RBFOX1: variants seen among roughly 807,000 people sequenced by gnomAD.
RBFOX1 encodes RNA binding protein fox-1 homolog 1.
Under a neutral mutation model 57.7 loss-of-function variants are expected in RBFOX1, and 8 were observed. The ratio of observed to expected loss-of-function variants is 0.14; its 90% CI spans 0.08 to 0.25. RBFOX1 has a LOEUF of 0.25. Among genes scored for constraint, RBFOX1 ranks in the 10% least tolerant of loss-of-function variants. The pLI, the probability that RBFOX1 is intolerant of heterozygous loss-of-function variation, is 1.00. For synonymous variants in RBFOX1, 326 were observed against 222.4 expected (o/e 1.47, Z -4.15); for missense variants, 611 against 548.5 (o/e 1.11, Z -1.14).
At chr16:5,961,180 T>G (rs1252000362) in intron 4 of RBFOX1, among the ~76,000 whole-genome samples, 1 of 152,192 alleles carries the variant, frequency 6.6e-6, no homozygotes, top group Non-Finnish European at 1.5e-5. Flanking sequence ...TTTTTTTCAT[T>G]TGGGGCATAT....
intron 4 of RBFOX1, among the ~76,000 whole-genome samples, chr16:7,331,588 G>A (rs1475580785): frequency 6.6e-6 from 1 of 152,132 alleles, no homozygotes; most frequent in Non-Finnish European, 1.5e-5. Context: ...GGGAATACAT[G>A]ATAAAAGTGG....
rs1034662208 is a variant in RBFOX1, at chr16:6,572,270, C to G, written c.-63-82333C>G. Among the ~76,000 whole-genome samples the G allele has an allele frequency of 1.6e-4, 25 of 152,086 alleles. 1 individual carries two copies. Among genetic ancestry groups the G allele is most frequent in the Admixed American group, 1.6e-3 (24 of 15,260 alleles). On this transcript the variant is annotated intron_variant, in intron 2 of 15. Transcript: ENST00000550418. ...CAAATCTGTATCAAATTCTATAGGA[C>G]ATAGAGAATAAACCCATGACTCTTC...
chr16:5,862,901 G>T (rs2057258148), intron 3 of RBFOX1, among the ~76,000 whole-genome samples: 1 of 152,178 alleles, frequency 6.6e-6, no homozygotes, highest in Non-Finnish European at 1.5e-5. Context: ...CTCAGAAGGG[G>T]TTCAGGGAGA....
At chr16:6,070,819 C>G (rs903890087) in intron 1 of RBFOX1, among the ~76,000 whole-genome samples, 11 of 151,552 alleles carry the variant, frequency 7.3e-5, no homozygotes, top group African/African-American at 2.7e-4. Context: ...ACACGCTCGC[C>G]CCCCCCACAC....
At chr16:5,744,044 A>G (rs909095210) in intron 3 of RBFOX1, among the ~76,000 whole-genome samples, 1 of 152,092 alleles carries the variant, frequency 6.6e-6, no homozygotes, top group African/African-American at 2.4e-5. Flanking sequence ...CTTCTTCATC[A>G]TGTCACCAAG....
chr16:5,888,562 G>C (rs1402035304), intron 4 of RBFOX1, among the ~76,000 whole-genome samples: 1 of 152,032 alleles, frequency 6.6e-6, no homozygotes, highest in Non-Finnish European at 1.5e-5. Flanking sequence ...TTGGGAGACT[G>C]AGTTGGGCAG....
At chr16:7,518,529 C>T (rs1034472695) in intron 5 of RBFOX1, 140 bp downstream of exon 5, 11 of 1,120,802 alleles carry the variant, frequency 9.8e-6, no homozygotes, top group African/African-American at 7.9e-5. Context: ...ATCATACCAG[C>T]TTCCTGAAGT....
Position 5,690,986 on chromosome 16 carries a change from C to G in RBFOX1, c.318+92025C>G, listed in dbSNP as rs182039394. Among the ~76,000 whole-genome samples the G allele has an allele frequency of 3.2e-3, 480 of 152,240 alleles. 3 individuals are homozygous for G. Among genetic ancestry groups the G allele is most frequent in the African/African-American group, 0.011 (464 of 41,556 alleles). On this transcript the variant is annotated intron_variant, in intron 3 of 19. Transcript: ENST00000641259. ...TCCCAAGAAGGGAGAGCAGGTAATC[C>G]AGTGCAGCCCAATAATCCTCTTTAC...
intron 1 of RBFOX1, among the ~76,000 whole-genome samples, chr16:5,309,769 A>G (rs146851943): frequency 1.3e-5 from 2 of 152,272 alleles, no homozygotes; most frequent in Non-Finnish European, 2.9e-5. Context: ...AAGGGAAGCA[A>G]TTTTATTAAA....
chr16:6,607,581 G>GTCTCCCTCCTCTCTCTCTCTCCTC (rs2097957261), intron 2 of RBFOX1, among the ~76,000 whole-genome samples: 1 of 146,814 alleles, frequency 6.8e-6, no homozygotes, highest in African/African-American at 2.5e-5. Context: ...TCTCCGTCCT[G>GTCTCCCTCCTCTCTCTCTCTCCTC]TCTCCCTCCT....
intron 1 of RBFOX1, among the ~76,000 whole-genome samples, chr16:6,119,210 T>C (rs1039522291): frequency 5.9e-5 from 9 of 152,044 alleles, no homozygotes; most frequent in African/African-American, 1.7e-4. Flanking sequence ...ATGAGCTGTT[T>C]ATAATAATTA....
chr16:6,956,521 G>C (rs114358565), intron 3 of RBFOX1, among the ~76,000 whole-genome samples: 75 of 152,214 alleles, frequency 4.9e-4, no homozygotes, highest in African/African-American at 1.7e-3. Flanking sequence ...CCTGGAGTGG[G>C]GAAGGAGAAT....
At chr16:5,858,112 G>T (rs1382587895) in intron 3 of RBFOX1, among the ~76,000 whole-genome samples, 1 of 152,096 alleles carries the variant, frequency 6.6e-6, no homozygotes, top group African/African-American at 2.4e-5. Context: ...GCTAAATTTG[G>T]CAAGCTAAAG....
At chr16:6,619,687 C>CTTTTTTTTTTTTTTTTTT in intron 2 of RBFOX1, among the ~76,000 whole-genome samples, 1 of 117,946 alleles carries the variant, frequency 8.5e-6, no homozygotes, top group African/African-American at 3.2e-5. Flanking sequence ...TGTTGGTTTC[C>CTTTTTTTTTTTTTTTTTT]TTTTTTTTTT....
At chr16:6,642,056 C>T (rs570128162) in intron 2 of RBFOX1, among the ~76,000 whole-genome samples, 1 of 152,272 alleles carries the variant, frequency 6.6e-6, no homozygotes, top group South Asian at 2.1e-4. Flanking sequence ...AGTTTGCATG[C>T]TGTCTGAGGG....
chr16:5,854,570 A>T (rs1292160378), intron 3 of RBFOX1, among the ~76,000 whole-genome samples: 12 of 134,464 alleles, frequency 8.9e-5, no homozygotes, highest in Admixed American at 2.3e-4. Context: ...CCCCCCACAC[A>T]CAAGCACACA....
intron 3 of RBFOX1, among the ~76,000 whole-genome samples, chr16:6,785,514 C>A (rs1415925754): frequency 6.6e-6 from 1 of 152,144 alleles, no homozygotes; most frequent in African/African-American, 2.4e-5. Flanking sequence ...ATCCTACCTT[C>A]CCCAAAGCAC....
At chr16:6,059,776 G>A (rs2095660068) in intron 1 of RBFOX1, among the ~76,000 whole-genome samples, 1 of 152,040 alleles carries the variant, frequency 6.6e-6, no homozygotes, top group African/African-American at 2.4e-5. Flanking sequence ...TTCAGATAAT[G>A]TACATTTCAC....
intron 1 of RBFOX1, among the ~76,000 whole-genome samples, chr16:6,126,002 G>T (rs1422234997): frequency 1.3e-5 from 2 of 152,154 alleles, no homozygotes; most frequent in Non-Finnish European, 2.9e-5. Flanking sequence ...AAGGAGCTTA[G>T]TCTGATTGTC....
Sources: gnomAD v4.1 joint callset for allele counts (sites outside exome capture counted in the v4.1 genomes callset) on GRCh38, gnomAD v4.1.1 for gene constraint, MANE v1.5 for transcripts, NCBI Gene and HGNC (gene_info 2026-07-23, HGNC 2026-07-21) for gene names.